The following MTA1 variants were observed in gnomAD, a reference collection of about 807,000 sequenced individuals.
MTA1 encodes the protein metastasis associated 1.
In MTA1, 15 loss-of-function variants were observed where a neutral mutation model predicts 97.0. That is an observed-to-expected ratio of 0.15 (90% CI 0.10 to 0.24). The LOEUF (loss-of-function observed/expected upper bound fraction) is 0.24. Ranked by LOEUF, MTA1 falls within the 10% of genes least tolerant of loss-of-function variation. The pLI, the probability that MTA1 is intolerant of heterozygous loss-of-function variation, is 1.00. For synonymous variants in MTA1, 435 were observed against 417.5 expected, an observed-to-expected ratio of 1.04 and a Z score of -0.51; for missense variants, 709 against 1,015.1, an observed-to-expected ratio of 0.70 and a Z score of 4.10.
In MTA1 at chr14:105,424,046, T is replaced by C. The variant is rs1323515728; in HGVS notation, c.28+3983T>C. Among the ~76,000 whole-genome samples, 3 of 152,116 alleles carry C rather than the reference T, an allele frequency of 2.0e-5. No individual in the cohort carries two copies. Among genetic ancestry groups the C allele is most frequent in the African/African-American group, 7.2e-5 (3 of 41,430 alleles). The stretch of plus-strand genomic sequence containing the variant: ...GGTAGAAGTGGCAGGGGCCCAGGTG[T>C]GATGTCCTGGAGGGGATGGCATGGG... On this transcript the variant is annotated intron_variant, in intron 1 of 20. Coordinates refer to ENST00000331320, the MANE Select transcript of MTA1 (RefSeq NM_004689.4). This position sits in a 1 kb window ranked among gnomAD's most constrained non-coding sequence, Gnocchi z 4.0.
intron 4 of MTA1, 74 bp from the exon 5 acceptor site, chr14:105,449,984 G>A: frequency 6.3e-7 from 1 of 1,598,266 alleles, no homozygotes; most frequent in Non-Finnish European, 8.5e-7. Flanking sequence ...GGCGCCAGGT[G>A]GGGCTGGTGG....
At position 105,450,624 on chromosome 14, in the gene MTA1, G is replaced by A. The variant is rs587615176; in HGVS notation, c.432+300G>A. On this transcript the variant is annotated intron_variant, in intron 6 of 20. Transcript: ENST00000331320. ...CCCTGGGGAGGGTGTGGCTGAGGCAGGTGGGGGCAGGGGCCACCTGAGTCT... is the reference window on the plus strand; with the variant it reads ...CCCTGGGGAGGGTGTGGCTGAGGCAAGTGGGGGCAGGGGCCACCTGAGTCT... Among the ~76,000 whole-genome samples, 233 of 152,314 alleles carry A rather than the reference G, an allele frequency of 1.5e-3. No homozygotes were observed. Among genetic ancestry groups the A allele is most frequent in the African/African-American group, 4.8e-3 (201 of 41,558 alleles).
intron 3 of MTA1, among the ~76,000 whole-genome samples, chr14:105,446,621 G>A (rs587628415): frequency 3.0e-4 from 46 of 152,364 alleles, no homozygotes; most frequent in African/African-American, 9.9e-4. Flanking sequence ...CCGATGCCTT[G>A]TTCCTGAGCC....
chr14:105,428,183 T>TGGG (rs2082069095), intron 1 of MTA1, among the ~76,000 whole-genome samples: 3 of 152,292 alleles, frequency 2.0e-5, no homozygotes, highest in South Asian at 2.1e-4. Flanking sequence ...CAGCCCCCTC[T>TGGG]TCTCCCCCAG....
intron 18 of MTA1, 90 bp downstream of exon 18, chr14:105,466,832 AG>A: frequency 7.3e-7 from 1 of 1,372,902 alleles, no homozygotes; most frequent in Non-Finnish European, 9.9e-7. Flanking sequence ...CGGGCGGCCC[AG>A]GGCCCATGCT....
intron 1 of MTA1, among the ~76,000 whole-genome samples, chr14:105,436,790 AAGTT>A (rs1429399247): frequency 3.9e-5 from 6 of 152,232 alleles, no homozygotes; most frequent in African/African-American, 1.2e-4. Context: ...TTGGAGTAAA[AAGTT>A]AGACCGTTGA....
At chr14:105,459,040 C>T (rs587647257) in intron 8 of MTA1, among the ~76,000 whole-genome samples, 1 of 150,246 alleles carries the variant, frequency 6.7e-6, no homozygotes, top group Non-Finnish European at 1.5e-5. Context: ...GCCCCTGGTC[C>T]CTGGTCCCTG....
intron 18 of MTA1, chr14:105,468,221 C>G: frequency 9.1e-7 from 1 of 1,099,742 alleles, no homozygotes; most frequent in Admixed American, 2.3e-5. Context: ...TCTAACCCGG[C>G]CATTTGCCCG....
At chr14:105,449,980 A>T in intron 4 of MTA1, 78 bp from the exon 5 acceptor site, 1 of 1,594,704 alleles carries the variant, frequency 6.3e-7, no homozygotes, top group South Asian at 1.1e-5. Flanking sequence ...TGCTGGCGCC[A>T]GGTGGGGCTG....
chr14:105,457,970 A>T (rs1278603518), intron 7 of MTA1, among the ~76,000 whole-genome samples: 3 of 151,668 alleles, frequency 2.0e-5, no homozygotes, highest in Non-Finnish European at 2.9e-5. Flanking sequence ...AATAAATAAA[A>T]AGGCTTGATT....
At chr14:105,430,765 A>G (rs1474035952) in intron 1 of MTA1, among the ~76,000 whole-genome samples, 2 of 152,170 alleles carry the variant, frequency 1.3e-5, no homozygotes, top group Non-Finnish European at 2.9e-5. Flanking sequence ...CTCACGAGCT[A>G]AGAATGGGTT....
intron 6 of MTA1, among the ~76,000 whole-genome samples, chr14:105,451,783 GTTTTTTTT>G (rs869240296): frequency 2.9e-4 from 9 of 31,394 alleles, no homozygotes; most frequent in African/African-American, 6.2e-4. Flanking sequence ...TTCTTTTTTT[GTTTTTTTT>G]TTTTTTTTTT....
At chr14:105,466,185 C>A in intron 16 of MTA1, 1 of 569,368 alleles carries the variant, frequency 1.8e-6, no homozygotes, top group Non-Finnish European at 3.1e-6. Context: ...GGTCTCCCTG[C>A]TCTCTGGAAG....
Position 105,469,964 on chromosome 14 carries a change from G to C in MTA1, c.1969G>C (p.Val657Leu). The C allele has an allele frequency of 3.1e-6, 5 of 1,612,540 alleles. No individual in the cohort carries two copies. Among genetic ancestry groups the C allele is most frequent in the Non-Finnish European group, 4.2e-6 (5 of 1,179,864 alleles). Residue 657 changes from valine (V) to leucine (L), a missense_variant, in exon 20 of 21, where the codon GTG (valine) becomes CTG (leucine). This residue lies in a region of MTA1 where 388 missense variants were observed against 421.6 expected (regional missense o/e 0.92). Coordinates refer to ENST00000331320, the MANE Select transcript of MTA1 (RefSeq NM_004689.4). ...RMNWIDAPDD[V>L]FYMATEETRK... Reference sequence around the variant, plus strand: ...GAACTGGATCGACGCCCCGGATGACGTGTTCTACATGGCCACAGAGGAGAC... The same window carrying C: ...GAACTGGATCGACGCCCCGGATGACCTGTTCTACATGGCCACAGAGGAGAC...
At chr14:105,441,720 G>A (rs2082531980) in intron 2 of MTA1, among the ~76,000 whole-genome samples, 1 of 152,192 alleles carries the variant, frequency 6.6e-6, no homozygotes, top group Non-Finnish European at 1.5e-5. Context: ...CGTGAACCCG[G>A]GAGGTGGAGC....
intron 1 of MTA1, among the ~76,000 whole-genome samples, chr14:105,435,863 T>A (rs782304460): frequency 2.6e-5 from 4 of 152,230 alleles, no homozygotes; most frequent in Non-Finnish European, 4.4e-5. Context: ...CTCGTGTCAG[T>A]AGGATCCGTA....
In MTA1 at chr14:105,470,314, C is replaced by A; in HGVS notation, c.*99C>A. ...CGCCCCTCAGTTTGGTAGTGCCCCA[C>A]CTCCCGCCCTCACCTGCAGAGAAAC... On this transcript the variant is annotated 3_prime_UTR_variant, in exon 21 of 21. Transcript: ENST00000331320. 9.6e-7 allele frequency: 1 copy of A among 1,042,036 alleles called. No homozygotes were observed. 64.5% of individuals were successfully genotyped at this position (1,042,036 alleles called of 1,614,324 possible). A position where few individuals can be genotyped will look rare whatever the true frequency, so the allele number is the denominator to read the frequency against.
chr14:105,464,331 C>A, intron 13 of MTA1, 85 bp from the exon 14 acceptor site: 2 of 1,281,648 alleles, frequency 1.6e-6, no homozygotes, highest in Non-Finnish European at 1.0e-6. Flanking sequence ...CGGGTGGGGG[C>A]GGCCGGCGTG....
At chr14:105,443,544 A>T (rs1555426299) in intron 2 of MTA1, among the ~76,000 whole-genome samples, 1 of 152,142 alleles carries the variant, frequency 6.6e-6, no homozygotes, top group African/African-American at 2.4e-5. Context: ...GTTAATTTTT[A>T]AAACACATTT....
Sources: allele counts gnomAD v4.1 joint callset (sites outside exome capture counted in the v4.1 genomes callset), GRCh38; gene constraint gnomAD v4.1.1; regional missense constraint gnomAD v4.1.1; non-coding constraint Gnocchi (gnomAD v3.1); transcripts MANE v1.5; gene names NCBI Gene and HGNC (gene_info 2026-07-23, HGNC 2026-07-21).